SPAG16: variants seen among roughly 807,000 people sequenced by gnomAD.
SPAG16 encodes sperm-associated antigen 16 protein.
SPAG16 carries 86 observed loss-of-function variants against 80.4 expected under a neutral mutation model. That is an observed-to-expected ratio of 1.07 (90% CI 0.90 to 1.28). The LOEUF is 1.28. SPAG16 is among the 50% of genes most tolerant of loss of function. SPAG16 has a pLI of 0.00. For missense variants in SPAG16, 870 were observed against 765.3 expected (o/e 1.14, Z -1.61); for synonymous variants, 294 against 265.9 (o/e 1.11, Z -1.03).
At position 214,385,534 on chromosome 2, in the gene SPAG16, GT is replaced by G. The variant is rs541499133; in HGVS notation, c.1721-24604del. Among the ~76,000 whole-genome samples, 117 of 152,132 alleles carry G rather than the reference GT, an allele frequency of 7.7e-4. 1 individual carries two copies. Among genetic ancestry groups the G allele is most frequent in the Middle Eastern group, 3.4e-3 (1 of 294 alleles). ...GTGAGAGAATATTTTTATTTTTAGG[GT>G]TATATCTTTGTTTTATTAAAACTCT... On this transcript the variant is annotated intron_variant, in intron 15 of 15. Transcript: ENST00000331683.
intron 10 of SPAG16, among the ~76,000 whole-genome samples, chr2:213,852,381 C>T (rs534254764): frequency 3.3e-5 from 5 of 152,200 alleles, no homozygotes; most frequent in African/African-American, 1.2e-4. Flanking sequence ...TACTTAAAAC[C>T]GTGAAATGAT....
intron 6 of SPAG16, among the ~76,000 whole-genome samples, chr2:213,344,897 G>C (rs1296729843): frequency 6.6e-6 from 1 of 152,226 alleles, no homozygotes; most frequent in Non-Finnish European, 1.5e-5. Flanking sequence ...TATATACCCA[G>C]TAATGGGATC....
At chr2:214,205,578 A>C (rs1026747570) in intron 15 of SPAG16, among the ~76,000 whole-genome samples, 1 of 152,204 alleles carries the variant, frequency 6.6e-6, no homozygotes, top group Non-Finnish European at 1.5e-5. Context: ...GAGTATATAA[A>C]AAATTTTGAA....
chr2:213,912,269 T>C (rs573068054), intron 11 of SPAG16, among the ~76,000 whole-genome samples: 1 of 152,328 alleles, frequency 6.6e-6, no homozygotes, highest in East Asian at 1.9e-4. Context: ...ATGTTATGAA[T>C]AGTTATACAC....
At chr2:213,593,081 T>TA (rs1281840064) in intron 10 of SPAG16, among the ~76,000 whole-genome samples, 6 of 151,978 alleles carry the variant, frequency 3.9e-5, no homozygotes, top group Non-Finnish European at 8.8e-5. Flanking sequence ...ATATATATAT[T>TA]TTTACTTGTA....
At chr2:214,024,302 C>G (rs1247241482) in intron 13 of SPAG16, among the ~76,000 whole-genome samples, 1 of 151,518 alleles carries the variant, frequency 6.6e-6, no homozygotes, top group Non-Finnish European at 1.5e-5. Flanking sequence ...GCTTACCCAA[C>G]TGATTTTTAT....
chr2:214,031,405 AG>A (rs992677752), intron 13 of SPAG16, among the ~76,000 whole-genome samples: 1 of 117,714 alleles, frequency 8.5e-6, no homozygotes, highest in Non-Finnish European at 1.7e-5. Flanking sequence ...ACATGGACAC[AG>A]GAAGGGGAAC....
chr2:213,855,871 G>A (rs1437705569), intron 10 of SPAG16, among the ~76,000 whole-genome samples: 2 of 152,088 alleles, frequency 1.3e-5, no homozygotes, highest in Admixed American at 1.3e-4. Context: ...GTGAGATTTG[G>A]GTGGGTACAC....
At chr2:213,361,767 T>G (rs557538034) in intron 7 of SPAG16, among the ~76,000 whole-genome samples, 2 of 147,876 alleles carry the variant, frequency 1.4e-5, no homozygotes, top group Admixed American at 1.4e-4. Flanking sequence ...TAAATTTGAT[T>G]TGGATATTCA....
chr2:214,298,074 C>A (rs997517291), intron 15 of SPAG16, among the ~76,000 whole-genome samples: 3 of 137,040 alleles, frequency 2.2e-5, no homozygotes, highest in Admixed American at 7.5e-5. Context: ...AGATGTATGC[C>A]TATATATATA....
At chr2:213,531,243 G>C (rs1388947890) in intron 10 of SPAG16, among the ~76,000 whole-genome samples, 2 of 151,984 alleles carry the variant, frequency 1.3e-5, no homozygotes, top group African/African-American at 4.8e-5. Flanking sequence ...CTTCAATTTG[G>C]GATTTTTCTG....
chr2:213,956,446 C>CTT (rs755475252), intron 12 of SPAG16, among the ~76,000 whole-genome samples: 8 of 113,080 alleles, frequency 7.1e-5, no homozygotes, highest in African/African-American at 1.3e-4. Context: ...ATTTTTTTTC[C>CTT]TTTTTTTTTT....
chr2:213,673,133 C>A (rs963233132), intron 10 of SPAG16, among the ~76,000 whole-genome samples: 1 of 152,016 alleles, frequency 6.6e-6, no homozygotes, highest in East Asian at 1.9e-4. Flanking sequence ...CTTCAAGAAC[C>A]CAAAACCTAC....
intron 15 of SPAG16, among the ~76,000 whole-genome samples, chr2:214,288,382 C>T (rs1007869578): frequency 9.9e-5 from 15 of 152,200 alleles, no homozygotes; most frequent in African/African-American, 2.9e-4. Flanking sequence ...GCCGCAAAGA[C>T]ATGCAAGTGC....
intron 15 of SPAG16, among the ~76,000 whole-genome samples, chr2:214,303,630 G>A (rs1161198606): frequency 2.0e-5 from 3 of 152,104 alleles, no homozygotes; most frequent in Non-Finnish European, 4.4e-5. Context: ...TATCTTCCAA[G>A]TGTCCTCTGA....
At chr2:214,018,532 A>G (rs1426055468) in intron 13 of SPAG16, among the ~76,000 whole-genome samples, 1 of 152,192 alleles carries the variant, frequency 6.6e-6, no homozygotes, top group Non-Finnish European at 1.5e-5. Context: ...GATATGGATG[A>G]CATTATTTGA....
intron 10 of SPAG16, among the ~76,000 whole-genome samples, chr2:213,642,274 G>A (rs1329279761): frequency 6.6e-6 from 1 of 152,134 alleles, no homozygotes; most frequent in African/African-American, 2.4e-5. Flanking sequence ...AGTGGTTCTT[G>A]GAGCAAAAGT....
chr2:214,323,441 C>G (rs1423003508), intron 15 of SPAG16, among the ~76,000 whole-genome samples: 1 of 151,904 alleles, frequency 6.6e-6, no homozygotes, highest in Non-Finnish European at 1.5e-5. Flanking sequence ...ATATTTATCT[C>G]AAGATGGGAA....
chr2:213,858,677 A>G (rs2075281332), intron 10 of SPAG16, among the ~76,000 whole-genome samples: 1 of 152,136 alleles, frequency 6.6e-6, no homozygotes, highest in African/African-American at 2.4e-5. Context: ...TATGTATGCA[A>G]TGTTGGGAAG....
Sources: allele counts gnomAD v4.1 joint callset (sites outside exome capture counted in the v4.1 genomes callset), GRCh38; gene constraint gnomAD v4.1.1; transcripts MANE v1.5; gene names NCBI Gene and HGNC (gene_info 2026-07-23, HGNC 2026-07-21).